The following ABLIM1 variants were observed in gnomAD, a reference collection of about 807,000 sequenced individuals.
The protein encoded by ABLIM1 is actin binding LIM protein 1.
A neutral mutation model predicts 107.0 loss-of-function variants in ABLIM1; 40 were observed. The ratio of observed to expected loss-of-function variants is 0.37; its 90% confidence interval spans 0.29 to 0.49. ABLIM1 has a LOEUF of 0.49. Ranked by LOEUF, ABLIM1 falls within the 20% of genes least tolerant of loss-of-function variation. ABLIM1 has a pLI of 0.97. For synonymous variants in ABLIM1, 357 were observed against 357.3 expected (o/e 1.00, Z 0.01); for missense variants, 857 against 1,008.5 (o/e 0.85, Z 2.04).
chr10:114,578,751 A>G (rs993406699), intron 2 of ABLIM1, among the ~76,000 whole-genome samples: 17 of 144,686 alleles, frequency 1.2e-4, no homozygotes, highest in African/African-American at 3.9e-4. Context: ...CATTTCCCCA[A>G]TGAGGTGTTT....
At chr10:114,758,460 GAAC>G (rs1397688319) in intron 1 of ABLIM1, among the ~76,000 whole-genome samples, 3 of 152,076 alleles carry the variant, frequency 2.0e-5, no homozygotes, top group African/African-American at 7.2e-5. Context: ...TTTTACACCA[GAAC>G]AACAAGAACA....
chr10:114,601,746 T>G, intron 2 of ABLIM1, 81 bp downstream of exon 2: 1 of 1,595,674 alleles, frequency 6.3e-7, no homozygotes, highest in Non-Finnish European at 8.6e-7. Flanking sequence ...TGACCGGATG[T>G]GGAGTTAAGG....
chr10:114,467,163 A>T (rs960789665), intron 11 of ABLIM1, among the ~76,000 whole-genome samples: 2 of 152,214 alleles, frequency 1.3e-5, no homozygotes, highest in African/African-American at 4.8e-5. Context: ...TGTCTCAAAA[A>T]AAAAGGAAAT....
chr10:114,699,079 C>T (rs1294377508), intron 1 of ABLIM1, among the ~76,000 whole-genome samples: 1 of 115,614 alleles, frequency 8.6e-6, no homozygotes, highest in Admixed American at 1.2e-4. Flanking sequence ...CTTAGTAATG[C>T]TATTAATAAA....
intron 1 of ABLIM1, among the ~76,000 whole-genome samples, chr10:114,741,678 C>G (rs900128176): frequency 4.6e-5 from 7 of 152,070 alleles, no homozygotes; most frequent in Non-Finnish European, 8.8e-5. Flanking sequence ...TTCCCTGATC[C>G]CTCTACCCCT....
intron 1 of ABLIM1, among the ~76,000 whole-genome samples, chr10:114,669,419 C>A (rs753777314): frequency 1.3e-5 from 2 of 152,150 alleles, no homozygotes; most frequent in African/African-American, 2.4e-5. Context: ...TAAGAGGATG[C>A]AGATTTGCAA....
intron 4 of ABLIM1, among the ~76,000 whole-genome samples, chr10:114,552,699 C>A (rs116624751): frequency 0.015 from 2,335 of 152,286 alleles, 52 homozygotes; most frequent in African/African-American, 0.053. Context: ...GCCTGTCACT[C>A]TTAATATATT....
rs1200940608 is a variant in ABLIM1, at chr10:114,453,296, T to C, written c.1546+83A>G. ...ACTGTGCATCCCAATTAAAAGAGCA[T>C]GAGAGATGAGACAAGACGAGGTTAC... On this transcript the variant is annotated intron_variant, in intron 13 of 22. Transcript: ENST00000533213. 5 of 1,416,690 alleles carry C rather than the reference T, an allele frequency of 3.5e-6. No homozygotes were observed. The African/African-American group carries it at 7.0e-5, about 20-fold the overall frequency. The allele number at this position is 1,416,690 out of a possible 1,614,324, so 87.8% of individuals were successfully genotyped here.
the ABLIM1 span, among the ~76,000 whole-genome samples, chr10:114,784,691 A>AAG: frequency 2.9e-5 from 1 of 34,226 alleles, no homozygotes; most frequent in Non-Finnish European, 8.0e-5. Context: ...AAAGAAAAAG[A>AAG]AAAAAAAAAA....
At chr10:114,736,887 G>A (rs144542023) in intron 1 of ABLIM1, among the ~76,000 whole-genome samples, 81 of 152,256 alleles carry the variant, frequency 5.3e-4, no homozygotes, top group African/African-American at 1.9e-3. Context: ...GACAGGCTAT[G>A]ATCAGAATTT....
At chr10:114,613,483 T>C (rs2076944417) in intron 1 of ABLIM1, among the ~76,000 whole-genome samples, 1 of 152,212 alleles carries the variant, frequency 6.6e-6, no homozygotes, top group African/African-American at 2.4e-5. Flanking sequence ...TCTGGAGAGC[T>C]GGTTGTTAAA....
intron 2 of ABLIM1, chr10:114,595,256 A>G (rs560787238): frequency 2.0e-5 from 3 of 152,378 alleles, no homozygotes; most frequent in African/African-American, 7.2e-5. Flanking sequence ...TGTATACTTA[A>G]AATGAACTAT....
intron 12 of ABLIM1, among the ~76,000 whole-genome samples, chr10:114,462,303 A>T (rs756486562): frequency 7.9e-4 from 120 of 152,256 alleles, no homozygotes; most frequent in Middle Eastern, 3.4e-3. Flanking sequence ...TCAAGTTCGC[A>T]CCATTCTGGG....
intron 15 of ABLIM1, among the ~76,000 whole-genome samples, chr10:114,446,948 G>GATT (rs2061106896): frequency 6.6e-6 from 1 of 152,200 alleles, no homozygotes; most frequent in Admixed American, 6.5e-5. Flanking sequence ...TTAGGAGGTA[G>GATT]ATTTTTCCTT....
chr10:114,525,983 G>C (rs1396855292), intron 6 of ABLIM1, among the ~76,000 whole-genome samples: 3 of 151,846 alleles, frequency 2.0e-5, no homozygotes, highest in Non-Finnish European at 4.4e-5. Context: ...TTAATAACTG[G>C]GTTTTTAGGA....
chr10:114,583,746 A>T (rs1264003701), intron 2 of ABLIM1, among the ~76,000 whole-genome samples: 1 of 151,988 alleles, frequency 6.6e-6, no homozygotes, highest in South Asian at 2.1e-4. Flanking sequence ...AGATTGAATA[A>T]GGAAAATGTG....
chr10:114,761,242 A>G (rs1448761762), intron 1 of ABLIM1, among the ~76,000 whole-genome samples: 1 of 148,504 alleles, frequency 6.7e-6, no homozygotes, highest in Non-Finnish European at 1.5e-5. Flanking sequence ...GCTCTGCTAT[A>G]GGCATCAAAG....
intron 4 of ABLIM1, among the ~76,000 whole-genome samples, chr10:114,558,231 C>T (rs77434939): frequency 0.059 from 9,018 of 152,036 alleles, 378 homozygotes; most frequent in African/African-American, 0.11. Context: ...ATATCCACGA[C>T]CAGGATGTGA....
At chr10:114,501,102 G>A (rs1465077337) in intron 6 of ABLIM1, among the ~76,000 whole-genome samples, 4 of 152,174 alleles carry the variant, frequency 2.6e-5, no homozygotes, top group Admixed American at 2.6e-4. Context: ...CTGTGCCTCA[G>A]CTATAGTTTC....
Sources: allele counts gnomAD v4.1 joint callset (sites outside exome capture counted in the v4.1 genomes callset), GRCh38; gene constraint gnomAD v4.1.1; transcripts MANE v1.5; gene names NCBI Gene and HGNC (gene_info 2026-07-23, HGNC 2026-07-21).